The following FHIT variants were observed in gnomAD, a reference collection of about 807,000 sequenced individuals.
FHIT encodes fragile histidine triad diadenosine triphosphatase.
A neutral mutation model predicts 17.9 loss-of-function variants in FHIT; 19 were observed. That is an observed-to-expected ratio of 1.06 (90% CI 0.74 to 1.56). The LOEUF (loss-of-function observed/expected upper bound fraction) is 1.56. Ranked by LOEUF, FHIT falls within the 40% of genes most tolerant of loss-of-function variation. The pLI, the probability that FHIT is intolerant of heterozygous loss-of-function variation, is 0.00. For synonymous variants in FHIT, 81 were observed against 69.7 expected (o/e 1.16, Z -0.81); for missense variants, 248 against 189.2 (o/e 1.31, Z -1.82).
chr3:60,165,921 G>GT lies in FHIT; in HGVS notation c.104-151770dup, dbSNP rs1701152154. Among the ~76,000 whole-genome samples the GT allele has an allele frequency of 2.0e-5, 3 of 152,098 alleles. No homozygotes were observed. In the South Asian group the frequency reaches 6.2e-4, roughly 32 times the overall value. On this transcript the variant is annotated intron_variant, in intron 5 of 9. Transcript: ENST00000492590. ...ATCGTGATACCTTACAGCAACTTCT[G>GT]TTTTTTTCACCGGACATCTATGGCA...
intron 7 of FHIT, among the ~76,000 whole-genome samples, chr3:59,950,635 G>C (rs1226204447): frequency 1.3e-5 from 2 of 152,048 alleles, no homozygotes; most frequent in African/African-American, 4.8e-5. Flanking sequence ...CCAGAATCAG[G>C]AGCAGTAAAC....
intron 2 of FHIT, among the ~76,000 whole-genome samples, chr3:61,183,251 T>G (rs1166642480): frequency 6.6e-6 from 1 of 152,110 alleles, no homozygotes; most frequent in Non-Finnish European, 1.5e-5. Context: ...AATACCTAGC[T>G]CTCAGCAAAA....
intron 2 of FHIT, among the ~76,000 whole-genome samples, chr3:61,149,185 A>C (rs140264471): frequency 6.6e-6 from 1 of 152,312 alleles, no homozygotes; most frequent in East Asian, 1.9e-4. Context: ...GAAACCATTG[A>C]AATTGGACCA....
At chr3:60,275,001 A>G (rs1462827472) in intron 5 of FHIT, among the ~76,000 whole-genome samples, 1 of 152,182 alleles carries the variant, frequency 6.6e-6, no homozygotes. Flanking sequence ...TAAAAATGAT[A>G]GTCTCAAGGA....
intron 7 of FHIT, among the ~76,000 whole-genome samples, 195 bp downstream of exon 7, chr3:60,011,176 T>C (rs1255642956): frequency 3.3e-5 from 5 of 152,188 alleles, no homozygotes. Flanking sequence ...AAAGTAAATG[T>C]CTTGTAAACC....
At chr3:60,394,271 G>C (rs1023062726) in intron 5 of FHIT, among the ~76,000 whole-genome samples, 2 of 152,130 alleles carry the variant, frequency 1.3e-5, no homozygotes, top group Non-Finnish European at 2.9e-5. Context: ...CTAAATTACA[G>C]TTCTTAACTT....
At chr3:60,064,976 T>C (rs909178773) in intron 5 of FHIT, among the ~76,000 whole-genome samples, 14 of 152,066 alleles carry the variant, frequency 9.2e-5, no homozygotes, top group Admixed American at 1.3e-4. Flanking sequence ...ATCTAGCAAG[T>C]GGGAGGTGGC....
At chr3:60,387,318 A>G (rs1701052455) in intron 5 of FHIT, among the ~76,000 whole-genome samples, 1 of 151,966 alleles carries the variant, frequency 6.6e-6, no homozygotes, top group African/African-American at 2.4e-5. Flanking sequence ...CTCCCACACT[A>G]ATCTGCATTC....
At chr3:60,889,592 G>A (rs1240625553) in intron 3 of FHIT, among the ~76,000 whole-genome samples, 1 of 152,256 alleles carries the variant, frequency 6.6e-6, no homozygotes, top group East Asian at 1.9e-4. Flanking sequence ...TTTACCAGTG[G>A]AGGCAATAGT....
chr3:59,871,306 T>C (rs1287425611), intron 8 of FHIT, among the ~76,000 whole-genome samples: 1 of 152,174 alleles, frequency 6.6e-6, no homozygotes, highest in Non-Finnish European at 1.5e-5. Flanking sequence ...TAAATACGTT[T>C]TGATCTTATA....
chr3:59,942,509 T>C (rs1559484591), intron 7 of FHIT, among the ~76,000 whole-genome samples: 2 of 152,174 alleles, frequency 1.3e-5, no homozygotes, highest in Admixed American at 6.5e-5. Context: ...AACAAAGGCT[T>C]TGCATTAAAC....
chr3:60,365,252 T>A (rs543043429), intron 5 of FHIT, among the ~76,000 whole-genome samples: 98 of 151,696 alleles, frequency 6.5e-4, no homozygotes, highest in Non-Finnish European at 1.2e-3. Flanking sequence ...TATTTCTTTG[T>A]AAAAATGCAT....
intron 4 of FHIT, among the ~76,000 whole-genome samples, chr3:60,759,667 C>G (rs1046731724): frequency 2.6e-5 from 4 of 151,988 alleles, no homozygotes; most frequent in African/African-American, 9.7e-5. Flanking sequence ...AAGTATGTCA[C>G]GAAGGAGGAA....
rs548938136 is a variant in FHIT, at chr3:60,446,106, G to A, written c.103+90754C>T. Among the ~76,000 whole-genome samples the A allele has an allele frequency of 2.4e-3, 364 of 152,176 alleles. 3 individuals are homozygous for A. The Middle Eastern group carries it at 0.041, about 17-fold the overall frequency. ...CCAAGCCAGGAGTGAAGCAAGGGAG[G>A]GTAGGAGGGACAATGGAGTTCTTGA... On this transcript the variant is annotated intron_variant, in intron 5 of 9. Coordinates refer to ENST00000492590, the MANE Select transcript of FHIT (RefSeq NM_002012.4).
intron 3 of FHIT, among the ~76,000 whole-genome samples, chr3:60,917,145 T>C (rs1553767279): frequency 6.6e-6 from 1 of 152,208 alleles, no homozygotes; most frequent in Admixed American, 6.5e-5. Flanking sequence ...AACTTAAGGC[T>C]TAACAGAATT....
chr3:60,370,657 G>T (rs1700289209), intron 5 of FHIT, among the ~76,000 whole-genome samples: 1 of 152,006 alleles, frequency 6.6e-6, no homozygotes, highest in South Asian at 2.1e-4. Flanking sequence ...TCTGTCTGAT[G>T]CATCACTAAG....
At chr3:60,083,419 G>A (rs899204104) in intron 5 of FHIT, among the ~76,000 whole-genome samples, 8 of 152,084 alleles carry the variant, frequency 5.3e-5, no homozygotes, top group Admixed American at 1.3e-4. Flanking sequence ...TTTTGCTTAG[G>A]ATTGCTTTGG....
intron 5 of FHIT, among the ~76,000 whole-genome samples, chr3:60,284,411 C>A (rs982875922): frequency 6.6e-6 from 1 of 152,086 alleles, no homozygotes; most frequent in Non-Finnish European, 1.5e-5. Context: ...AAGTTATTAA[C>A]AGATAAGGTC....
Position 61,196,754 on chromosome 3 carries a change from C to G in FHIT, c.-164+3863G>C, listed in dbSNP as rs895008971. 2.6e-5 allele frequency among the ~76,000 whole-genome samples: 4 copies of G among 152,096 alleles called. No individual in the cohort carries two copies. In the East Asian group the frequency reaches 7.7e-4, roughly 29 times the overall value. Reference sequence around the variant, plus strand: ...GAAAAGGGAAGAGGCAGTTACCAGACAGTAGAAAAAGCTGTAGCCGCTGAA... The same window carrying G: ...GAAAAGGGAAGAGGCAGTTACCAGAGAGTAGAAAAAGCTGTAGCCGCTGAA... On this transcript the variant is annotated intron_variant, in intron 2 of 9. Coordinates refer to ENST00000492590, the MANE Select transcript of FHIT (RefSeq NM_002012.4).
Sources: allele counts gnomAD v4.1 joint callset (sites outside exome capture counted in the v4.1 genomes callset), GRCh38; gene constraint gnomAD v4.1.1; transcripts MANE v1.5; gene names NCBI Gene and HGNC (gene_info 2026-07-23, HGNC 2026-07-21).